ARHGAP15: variants seen among roughly 807,000 people sequenced by gnomAD.
ARHGAP15 encodes the protein rho GTPase-activating protein 15.
ARHGAP15 carries 51 observed loss-of-function variants against 63.7 expected under a neutral mutation model. The observed-to-expected ratio is 0.80, with a 90% CI of 0.64 to 1.01. The LOEUF (loss-of-function observed/expected upper bound fraction) is 1.01, where lower values mean the gene tolerates loss of function less well. Ranked by LOEUF, ARHGAP15 falls within the 50% of genes least tolerant of loss-of-function variation. The pLI, the probability that ARHGAP15 is intolerant of heterozygous loss-of-function variation, is 0.00. For synonymous variants in ARHGAP15, 191 were observed against 193.8 expected (o/e 0.99, Z 0.12); for missense variants, 560 against 564.6 (o/e 0.99, Z 0.08).
In ARHGAP15 at chr2:143,202,114, C is replaced by T. The variant is rs1282481724; in HGVS notation, c.166-20C>T. On this transcript the variant is annotated intron_variant, in intron 2 of 13. Transcript: ENST00000295095. Reference sequence around the variant, plus strand: ...TCAAGAAAAATTATGTAATAATATCCAATGTCAATATATTTGCAGATATCC... The same window carrying T: ...TCAAGAAAAATTATGTAATAATATCTAATGTCAATATATTTGCAGATATCC... 6.3e-7 allele frequency: 1 copy of T among 1,590,600 alleles called. No homozygotes were observed. The highest frequency in any genetic ancestry group is 8.6e-7 in the Non-Finnish European group (1 of 1,159,762).
At chr2:143,336,840 T>C (rs1306001972) in intron 6 of ARHGAP15, among the ~76,000 whole-genome samples, 1 of 152,128 alleles carries the variant, frequency 6.6e-6, no homozygotes, top group Admixed American at 6.6e-5. Context: ...ACATTTCAGT[T>C]TTATTTATTT....
chr2:143,640,418 T>C (rs1466383203), intron 12 of ARHGAP15, among the ~76,000 whole-genome samples: 3 of 152,098 alleles, frequency 2.0e-5, no homozygotes, highest in Non-Finnish European at 4.4e-5. Context: ...CTATCTGCCT[T>C]CTGAGCTCTG....
intron 13 of ARHGAP15, among the ~76,000 whole-genome samples, chr2:143,733,386 A>G (rs922694221): frequency 6.6e-6 from 1 of 152,190 alleles, no homozygotes; most frequent in African/African-American, 2.4e-5. Flanking sequence ...GTCTTTTTCC[A>G]GATGCATATG....
intron 2 of ARHGAP15, among the ~76,000 whole-genome samples, chr2:143,191,378 G>T (rs1691679887): frequency 6.6e-6 from 1 of 152,132 alleles, no homozygotes; most frequent in South Asian, 2.1e-4. Flanking sequence ...TTCTAACAAG[G>T]TATCTTAGGG....
chr2:143,534,891 T>A (rs535010716), intron 10 of ARHGAP15, among the ~76,000 whole-genome samples: 102 of 151,000 alleles, frequency 6.8e-4, no homozygotes, highest in African/African-American at 2.3e-3. Context: ...AAAAAAAAAA[T>A]AAAAAACAAA....
At chr2:143,284,093 T>G (rs1681981164) in intron 6 of ARHGAP15, among the ~76,000 whole-genome samples, 2 of 152,166 alleles carry the variant, frequency 1.3e-5, no homozygotes, top group Admixed American at 1.3e-4. Flanking sequence ...GTTTTTGTTT[T>G]CAAGAATAGA....
chr2:143,282,149 T>A (rs1327333314), intron 6 of ARHGAP15, among the ~76,000 whole-genome samples: 1 of 152,074 alleles, frequency 6.6e-6, no homozygotes, highest in African/African-American at 2.4e-5. Flanking sequence ...TATGTAAAGT[T>A]TTATTTCCCC....
chr2:143,220,323 C>A (rs983161041), intron 4 of ARHGAP15, among the ~76,000 whole-genome samples: 1 of 151,998 alleles, frequency 6.6e-6, no homozygotes, highest in Admixed American at 6.6e-5. Context: ...CCACCTTATG[C>A]GGGGATAAAT....
intron 6 of ARHGAP15, among the ~76,000 whole-genome samples, chr2:143,391,395 T>G (rs1435627871): frequency 1.3e-5 from 2 of 152,182 alleles, no homozygotes; most frequent in East Asian, 3.9e-4. Flanking sequence ...GTGATACCTT[T>G]GTTAGATGCA....
At chr2:143,373,002 AT>A (rs1433725694) in intron 6 of ARHGAP15, among the ~76,000 whole-genome samples, 5 of 144,384 alleles carry the variant, frequency 3.5e-5, no homozygotes, top group East Asian at 2.0e-4. Context: ...AAAAAAAAAA[AT>A]CTAGTGAGGG....
At chr2:143,565,819 G>A (rs547993131) in intron 11 of ARHGAP15, among the ~76,000 whole-genome samples, 11 of 152,246 alleles carry the variant, frequency 7.2e-5, no homozygotes, top group Admixed American at 3.9e-4. Flanking sequence ...AAATACTTAG[G>A]GTTGGATAAA....
intron 6 of ARHGAP15, among the ~76,000 whole-genome samples, chr2:143,281,661 A>G (rs1681857915): frequency 6.6e-6 from 1 of 152,124 alleles, no homozygotes; most frequent in South Asian, 2.1e-4. Context: ...ACTGTTAATG[A>G]TGATGTTTCA....
Position 143,485,684 on chromosome 2 carries a change from G to A in ARHGAP15, c.704-1689G>A, listed in dbSNP as rs972758987. On this transcript the variant is annotated intron_variant, in intron 8 of 13. Coordinates refer to ENST00000295095, the MANE Select transcript of ARHGAP15 (RefSeq NM_018460.4). ...TTTTATTGTCATAATTAAGGAGGGC[G>A]TGCTGCTGGCATATTGTGGGTACAC... Among the ~76,000 whole-genome samples the A allele has an allele frequency of 1.5e-4, 23 of 152,168 alleles. No homozygotes were observed. The South Asian group carries it at 1.7e-3, about 11-fold the overall frequency.
chr2:143,476,378 C>T (rs1323425271), intron 8 of ARHGAP15, among the ~76,000 whole-genome samples: 1 of 152,060 alleles, frequency 6.6e-6, no homozygotes, highest in Admixed American at 6.6e-5. Context: ...AACTGTGTCC[C>T]CTTGGGAAGA....
At chr2:143,492,208 A>G (rs1692612555) in intron 9 of ARHGAP15, among the ~76,000 whole-genome samples, 1 of 152,072 alleles carries the variant, frequency 6.6e-6, no homozygotes, top group South Asian at 2.1e-4. Flanking sequence ...CTCGCCAGAT[A>G]CTTACAGTCA....
At chr2:143,255,835 A>G (rs1680395824) in intron 6 of ARHGAP15, among the ~76,000 whole-genome samples, 1 of 151,972 alleles carries the variant, frequency 6.6e-6, no homozygotes, top group South Asian at 2.1e-4. Context: ...GAATTAAAGT[A>G]TCTTAAAAGA....
rs182646696 is a variant in ARHGAP15, at chr2:143,458,394, C to T, written c.703+21352C>T. ...AAGGCACTTGAAATCTAAGTAGGAC[C>T]AGAGCTTTGACCCTTGTTTTCCAGG... is the stretch of plus-strand genomic sequence containing the variant. On this transcript the variant is annotated intron_variant, in intron 8 of 13. Transcript: ENST00000295095. Among the ~76,000 whole-genome samples the T allele has an allele frequency of 3.3e-5, 5 of 152,252 alleles. No individual in the cohort carries two copies. The East Asian group carries it at 9.7e-4, about 29-fold the overall frequency.
chr2:143,635,647 T>C (rs1280092420), intron 12 of ARHGAP15, among the ~76,000 whole-genome samples: 1 of 152,094 alleles, frequency 6.6e-6, no homozygotes, highest in African/African-American at 2.4e-5. Flanking sequence ...GTTGGAACAG[T>C]GGAATATCCA....
At chr2:143,331,470 ATTTGT>A (rs1351576951) in intron 6 of ARHGAP15, among the ~76,000 whole-genome samples, 3 of 152,136 alleles carry the variant, frequency 2.0e-5, no homozygotes, top group African/African-American at 7.2e-5. Flanking sequence ...CTGGTACATG[ATTTGT>A]TTTGTTAAAA....
Sources: allele counts gnomAD v4.1 joint callset (sites outside exome capture counted in the v4.1 genomes callset), GRCh38; gene constraint gnomAD v4.1.1; transcripts MANE v1.5; gene names NCBI Gene and HGNC (gene_info 2026-07-23, HGNC 2026-07-21).